DOK6: variants seen among roughly 807,000 people sequenced by gnomAD.
The protein encoded by DOK6 is downstream of tyrosine kinase 6.
A neutral mutation model predicts 44.0 loss-of-function variants in DOK6; 22 were observed. The ratio of observed to expected loss-of-function variants is 0.50; its 90% CI spans 0.36 to 0.71. DOK6 has a LOEUF of 0.71. Ranked by LOEUF, DOK6 falls within the 30% of genes least tolerant of loss-of-function variation. The probability of loss-of-function intolerance (pLI) is 0.00; values close to 1 mark genes in which losing one functional copy is unlikely to be tolerated. For missense variants in DOK6, 340 were observed against 416.4 expected (o/e 0.82, Z 1.60); for synonymous variants, 166 against 145.5 (o/e 1.14, Z -1.01).
At chr18:69,790,446 T>G (rs2145096897) in intron 7 of DOK6, among the ~76,000 whole-genome samples, 1 of 152,292 alleles carries the variant, frequency 6.6e-6, no homozygotes. Context: ...AAAAAATTGC[T>G]GTGTTTCTGA....
intron 1 of DOK6, among the ~76,000 whole-genome samples, chr18:69,486,977 G>T (rs1980593653): frequency 6.6e-6 from 1 of 151,722 alleles, no homozygotes; most frequent in Non-Finnish European, 1.5e-5. Context: ...TCTTTCTGTT[G>T]TATGTTAATG....
At chr18:69,700,498 A>G in intron 5 of DOK6, among the ~76,000 whole-genome samples, 1 of 152,036 alleles carries the variant, frequency 6.6e-6, no homozygotes, top group Non-Finnish European at 1.5e-5. Context: ...TGTCCACATT[A>G]GTTTTTTAAG....
Position 69,450,623 on chromosome 18 carries a change from T to C in DOK6, c.66+49313T>C, listed in dbSNP as rs1035584744. 5.7e-3 allele frequency among the ~76,000 whole-genome samples: 867 copies of C among 151,248 alleles called. 12 individuals are homozygous for C. The highest frequency in any genetic ancestry group is 0.02 in the African/African-American group (831 of 41,174). The stretch of plus-strand genomic sequence containing the variant: ...CACATAATTGTCAGATTCACCAAAG[T>C]TGAAATGAAGGAAAACATGTTAAGG... On this transcript the variant is annotated intron_variant, in intron 1 of 7. Coordinates refer to ENST00000382713, the MANE Select transcript of DOK6 (RefSeq NM_152721.6).
At chr18:69,714,278 A>G (rs1291775623) in intron 5 of DOK6, among the ~76,000 whole-genome samples, 1 of 151,938 alleles carries the variant, frequency 6.6e-6, no homozygotes, top group Non-Finnish European at 1.5e-5. Flanking sequence ...TAACTCACAC[A>G]CTCCTTGCTG....
chr18:69,834,497 T>C (rs572305879), intron 7 of DOK6, among the ~76,000 whole-genome samples: 1 of 152,312 alleles, frequency 6.6e-6, no homozygotes, highest in Non-Finnish European at 1.5e-5. Context: ...CAATAATTTA[T>C]TGTATTTTTC....
chr18:69,541,990 C>T (rs978560036), intron 1 of DOK6, among the ~76,000 whole-genome samples: 7 of 151,064 alleles, frequency 4.6e-5, no homozygotes, highest in Middle Eastern at 3.4e-3. Flanking sequence ...GTTGTGAGTC[C>T]CTAGAGCTTA....
intron 2 of DOK6, among the ~76,000 whole-genome samples, chr18:69,581,103 T>C (rs932625828): frequency 5.3e-5 from 8 of 152,246 alleles, no homozygotes; most frequent in African/African-American, 1.9e-4. Flanking sequence ...CATTCATTTG[T>C]TGATGGACCT....
chr18:69,403,273 C>T (rs926421106), intron 1 of DOK6, among the ~76,000 whole-genome samples: 1 of 152,126 alleles, frequency 6.6e-6, no homozygotes, highest in Non-Finnish European at 1.5e-5. Context: ...CCATCCAAGC[C>T]CTCCAGGATT....
intron 7 of DOK6, among the ~76,000 whole-genome samples, chr18:69,816,785 G>A (rs1265989461): frequency 2.0e-5 from 3 of 152,130 alleles, no homozygotes; most frequent in South Asian, 2.1e-4. Context: ...CGCTGGTGGC[G>A]GAACTGTTCG....
chr18:69,584,690 T>C (rs1347700068), intron 2 of DOK6, among the ~76,000 whole-genome samples: 2 of 151,900 alleles, frequency 1.3e-5, no homozygotes, highest in Admixed American at 6.6e-5. Flanking sequence ...ATTAATTCAC[T>C]GTCCCCTAAA....
intron 4 of DOK6, among the ~76,000 whole-genome samples, chr18:69,680,193 A>G (rs1020515894): frequency 1.3e-5 from 2 of 152,234 alleles, no homozygotes; most frequent in African/African-American, 4.8e-5. Flanking sequence ...CCACAAAGAT[A>G]CATGATATCC....
intron 7 of DOK6, among the ~76,000 whole-genome samples, chr18:69,758,353 C>T (rs1285032070): frequency 3.3e-5 from 5 of 152,086 alleles, no homozygotes; most frequent in Admixed American, 1.3e-4. Context: ...AGAAACCATT[C>T]GGAAAGGGTG....
At chr18:69,745,606 C>G (rs562813961) in intron 6 of DOK6, among the ~76,000 whole-genome samples, 1 of 152,004 alleles carries the variant, frequency 6.6e-6, no homozygotes, top group East Asian at 1.9e-4. Context: ...AACACAGATG[C>G]AGATTGTAGA....
At chr18:69,835,143 G>A (rs1248062468) in intron 7 of DOK6, among the ~76,000 whole-genome samples, 2 of 152,230 alleles carry the variant, frequency 1.3e-5, no homozygotes, top group East Asian at 1.9e-4. Flanking sequence ...TTTGGGTGAG[G>A]ACATAAAGCC....
chr18:69,523,529 A>G (rs1438192987), intron 1 of DOK6, among the ~76,000 whole-genome samples: 1 of 152,090 alleles, frequency 6.6e-6, no homozygotes, highest in Non-Finnish European at 1.5e-5. Context: ...CATACAGGAA[A>G]TCATCTATTG....
intron 7 of DOK6, among the ~76,000 whole-genome samples, chr18:69,797,269 T>G (rs186196535): frequency 3.6e-4 from 55 of 152,302 alleles, no homozygotes; most frequent in Non-Finnish European, 7.4e-4. Context: ...GAGTTACATC[T>G]TTTTTATGGT....
chr18:69,528,426 A>C (rs1429621760), intron 1 of DOK6, among the ~76,000 whole-genome samples: 7 of 152,180 alleles, frequency 4.6e-5, no homozygotes, highest in African/African-American at 1.7e-4. Flanking sequence ...ACTCCCCAGT[A>C]GGTTTTAATG....
intron 3 of DOK6, among the ~76,000 whole-genome samples, chr18:69,664,931 C>T (rs1985618066): frequency 6.6e-6 from 1 of 152,196 alleles, no homozygotes. Flanking sequence ...GTAATCCCAG[C>T]ACTTTGGGGG....
chr18:69,753,643 A>C (rs778258847), intron 6 of DOK6, among the ~76,000 whole-genome samples: 1 of 152,240 alleles, frequency 6.6e-6, no homozygotes, highest in Non-Finnish European at 1.5e-5. Flanking sequence ...AGTGATGGCA[A>C]GTATATCAAG....
Sources: gnomAD v4.1 joint callset for allele counts (sites outside exome capture counted in the v4.1 genomes callset) on GRCh38, gnomAD v4.1.1 for gene constraint, MANE v1.5 for transcripts, NCBI Gene and HGNC (gene_info 2026-07-23, HGNC 2026-07-21) for gene names.